The following ZNF628 variants were observed in gnomAD, a reference collection of about 807,000 sequenced individuals.
ZNF628 encodes the protein zinc finger protein Zec.
ZNF628 carries 3 observed loss-of-function variants against 2.5 expected under a neutral mutation model. That is an observed-to-expected ratio of 1.19 (90% CI 0.54 to 3.07). The LOEUF (loss-of-function observed/expected upper bound fraction) is 3.07. Ranked by LOEUF, ZNF628 falls within the 30% of genes most tolerant of loss-of-function variation. The pLI is 0.03. For synonymous variants in ZNF628, 861 were observed against 717.1 expected, an observed-to-expected ratio of 1.20 and a Z score of -3.21; for missense variants, 1,610 against 1,517.1, an observed-to-expected ratio of 1.06 and a Z score of -1.02.
At chr19:55,476,991 A>T (rs1359146974) in intron 1 of ZNF628, among the ~76,000 whole-genome samples, 184 bp downstream of exon 1, 1 of 152,078 alleles carries the variant, frequency 6.6e-6, no homozygotes, top group African/African-American at 2.4e-5. Flanking sequence ...CCACATTGAG[A>T]GGGCGGGTCA....
chr19:55,484,108 A>G lies in ZNF628; in HGVS notation c.2915A>G (p.Gln972Arg). 1 of 1,593,648 alleles carries G rather than the reference A, an allele frequency of 6.3e-7. No individual in the cohort carries two copies. The highest frequency in any genetic ancestry group is 8.5e-7 in the Non-Finnish European group (1 of 1,171,896). ...CCGCCTGCCACCGGCCCACCCGGAC[A>G]GAAACTCCTCATCATCCGCAGCGCC... ...TEPPATGPPG[Q>R]KLLIIRSAPA... The change falls in exon 3 of 3, where the codon CAG (glutamine) becomes CGG (arginine). Residue 972 changes from glutamine to arginine, a missense_variant. Coordinates refer to ENST00000598519, the MANE Select transcript of ZNF628 (RefSeq NM_033113.3).
rs779300535 is a variant in ZNF628, at chr19:55,482,178, C to T, written c.985C>T (p.Pro329Ser). 10 of 1,494,900 alleles carry T rather than the reference C, an allele frequency of 6.7e-6. No individual in the cohort carries two copies. In the South Asian group the frequency reaches 1.2e-4, roughly 18 times the overall value. The allele number at this position is 1,494,900 out of a possible 1,614,324, so 92.6% of individuals were successfully genotyped here. Reference sequence around the variant, plus strand: ...TGCGGCGCCCCAGCCCCAGGAGGCACCCGCCGAGGCGCCCAAGGCCGACCA... The same window carrying T: ...TGCGGCGCCCCAGCCCCAGGAGGCATCCGCCGAGGCGCCCAAGGCCGACCA... ...PDAAPQPQEA[P>S]AEAPKADQPP... The change falls in exon 3 of 3, where the codon CCC (proline) becomes TCC (serine). Residue 329 changes from proline (P) to serine (S), a missense_variant. Transcript: ENST00000598519.
Position 55,483,948 on chromosome 19 carries a change from G to A in ZNF628, c.2755G>A (p.Val919Ile). 1 of 1,570,292 alleles carries A rather than the reference G, an allele frequency of 6.4e-7. No individual in the cohort carries two copies. ...GGATGGCGAGGCCAGCACTGGTGTGGTCCAGGATGTCCTCTTTGAGACACT... is the reference window on the plus strand; with the variant it reads ...GGATGGCGAGGCCAGCACTGGTGTGATCCAGGATGTCCTCTTTGAGACACT... ...AGDGEASTGV[V>I]QDVLFETLQT... is the part of the protein sequence containing the mutation. Residue 919 changes from valine to isoleucine, a missense_variant, in exon 3 of 3, where the codon GTC becomes ATC. Around this residue, in one of 5 missense-constraint regions of ZNF628, gnomAD observed 712 missense variants for 603.6 expected, o/e 1.18. Coordinates refer to ENST00000598519, the MANE Select transcript of ZNF628 (RefSeq NM_033113.3).
Position 55,482,140 on chromosome 19 carries a change from GC to G in ZNF628, c.951del (p.Asp320MetfsTer107). On this transcript the variant is annotated frameshift_variant, in exon 3 of 3. Coordinates refer to ENST00000598519, the MANE Select transcript of ZNF628 (RefSeq NM_033113.3). LOFTEE classifies it low-confidence loss of function (END_TRUNC). ...GAGCTGCTCCTGGAGCACCAGCCGT[GC>G]CCCGGGCCCGATGCGGCGCCCCAGC... is the stretch of plus-strand genomic sequence containing the variant. ...SEELLLEHQP[C>X]PGPDAAPQPQ... 6.7e-7 allele frequency: 1 copy of G among 1,502,284 alleles called. No individual in the cohort carries two copies. Among genetic ancestry groups the G allele is most frequent in the Non-Finnish European group, 8.9e-7 (1 of 1,129,212 alleles). 93.1% of individuals were successfully genotyped at this position (1,502,284 alleles called of 1,614,324 possible).
rs753080157 is a variant in ZNF628 at position 55,482,507 on chromosome 19, C to T, written c.1314C>T (p.Pro438=). ...AGGAACCGCTGGCGCCTGCCGCCCC[C>T]GTCCCGCCGCCACCCCCGTCCGCCC... ...CPQEPLAPAA[P]VPPPPPSAPA... The change falls in exon 3 of 3, where the codon CCC becomes CCT. Residue 438 remains proline (P), a synonymous_variant. Transcript: ENST00000598519. 8.3e-6 allele frequency: 12 copies of T among 1,437,906 alleles called. No homozygotes were observed. In the Admixed American group the frequency reaches 1.4e-4, roughly 17 times the overall value. The allele number at this position is 1,437,906 out of a possible 1,614,324, so 89.1% of individuals were successfully genotyped here.
In ZNF628 at chr19:55,484,175, C is replaced by G; in HGVS notation, c.2982C>G (p.Gly994=). 1 of 1,558,078 alleles carries G rather than the reference C, an allele frequency of 6.4e-7. No individual in the cohort carries two copies. Residue 994 remains glycine (G), a synonymous_variant, in exon 3 of 3, where the codon GGC becomes GGG. Coordinates refer to ENST00000598519, the MANE Select transcript of ZNF628 (RefSeq NM_033113.3). ...TGGACAGCAGCAACACTGGAGGAGG[C>G]ACCGCCACGCTGCAGCTCCTGGCCC... ...ELLDSSNTGG[G]TATLQLLAPP...
At position 55,483,720 on chromosome 19, in the gene ZNF628, G is replaced by C. The variant is rs764848720; in HGVS notation, c.2527G>C (p.Val843Leu). 3 of 1,612,702 alleles carry C rather than the reference G, an allele frequency of 1.9e-6. No homozygotes were observed. The highest frequency in any genetic ancestry group is 1.7e-4 in the Middle Eastern group (1 of 6,040). ...CCAGCCAGCGCAGGAGGTGACCACA[G>C]TCCAGCTCCAGCCAGCACAGGAAGT... The part of the protein sequence containing the change: ...QLQPAQEVTT[V>L]QLQPAQEVTT... Residue 843 changes from valine to leucine, a missense_variant, in exon 3 of 3, where the codon GTC becomes CTC. Around this residue, in one of 5 missense-constraint regions of ZNF628, gnomAD observed 712 missense variants for 603.6 expected, o/e 1.18. Coordinates refer to ENST00000598519, the MANE Select transcript of ZNF628 (RefSeq NM_033113.3).
chr19:55,480,512 C>G (rs968912284), intron 2 of ZNF628, among the ~76,000 whole-genome samples: 9 of 152,174 alleles, frequency 5.9e-5, no homozygotes, highest in African/African-American at 2.2e-4. Context: ...CCTCCACCTC[C>G]TGTGTTCAAG....
In ZNF628 at chr19:55,481,900, C is replaced by A; in HGVS notation, c.707C>A (p.Ser236Tyr). The A allele has an allele frequency of 6.7e-7, 1 of 1,487,786 alleles. No homozygotes were observed. The highest frequency in any genetic ancestry group is 1.4e-5 in the African/African-American group (1 of 69,566). The allele number at this position is 1,487,786 out of a possible 1,614,324, so 92.2% of individuals were successfully genotyped here. ...GCCGCCCCCGCCCCGGGTACCGCCT[C>A]CGCGGCCCCGCCCCCCCAGTCCCGG... is the stretch of plus-strand genomic sequence containing the variant. ...HGAAPAPGTA[S>Y]AAPPPQSREP... The change falls in exon 3 of 3, where the codon TCC becomes TAC. Residue 236 changes from serine (S) to tyrosine (Y), a missense_variant. Ser to Tyr is a moderately radical substitution (Grantham distance 144). This residue lies in a region of ZNF628 where 651 missense variants were observed against 575.6 expected (regional missense o/e 1.13). Coordinates refer to ENST00000598519, the MANE Select transcript of ZNF628 (RefSeq NM_033113.3).
Position 55,481,514 on chromosome 19 carries a change from G to A in ZNF628, c.321G>A (p.Leu107=). Residue 107 remains leucine (L), a synonymous_variant, in exon 3 of 3, where the codon CTG becomes CTA. Coordinates refer to ENST00000598519, the MANE Select transcript of ZNF628 (RefSeq NM_033113.3). ...CPKAFKRSSL[L]QIHRSVHTGL... is the part of the protein sequence containing the mutation. ...AGGCCTTCAAGCGCTCCTCTCTGCT[G>A]CAGATCCACCGTAGCGTGCACACCG... 1 of 1,613,248 alleles carries A rather than the reference G, an allele frequency of 6.2e-7. No individual in the cohort carries two copies. The highest frequency in any genetic ancestry group is 1.7e-5 in the Admixed American group (1 of 59,992).
chr19:55,479,955 G>T lies in ZNF628; in HGVS notation c.7+38G>T. On this transcript the variant is annotated intron_variant, in intron 2 of 2. Coordinates refer to ENST00000598519, the MANE Select transcript of ZNF628 (RefSeq NM_033113.3). The surrounding 1 kb of genome is among the most constrained non-coding windows in gnomAD (Gnocchi z 5.1). ...GGAGTGCATGGGCCAGAGACATGTA[G>T]TGTGAGCCAGGGAGGGTGATGGTGA... is the stretch of plus-strand genomic sequence containing the variant. 1 of 399,306 alleles carries T rather than the reference G, an allele frequency of 2.5e-6. No homozygotes were observed. Among genetic ancestry groups the T allele is most frequent in the Non-Finnish European group, 4.4e-6 (1 of 226,202 alleles). The allele number at this position is 399,306 out of a possible 1,614,324, so 24.7% of individuals were successfully genotyped here.
In ZNF628 at chr19:55,481,925, G is replaced by C; in HGVS notation, c.732G>C (p.Arg244=). ...CCGCGGCCCCGCCCCCCCAGTCCCG[G>C]GAGCCCGGCAAGGTCTTCGTGTGCG... ...TASAAPPPQS[R]EPGKVFVCDA... The change falls in exon 3 of 3, where the codon CGG becomes CGC. Residue 244 remains arginine, a synonymous_variant. Transcript: ENST00000598519. 2 of 1,478,730 alleles carry C rather than the reference G, an allele frequency of 1.4e-6. No homozygotes were observed. The allele number at this position is 1,478,730 out of a possible 1,614,324, so 91.6% of individuals were successfully genotyped here.
At position 55,483,395 on chromosome 19, in the gene ZNF628, G is replaced by C. The variant is rs1409457384; in HGVS notation, c.2202G>C (p.Pro734=). 2.0e-5 allele frequency: 30 copies of C among 1,532,048 alleles called. No homozygotes were observed. The highest frequency in any genetic ancestry group is 2.5e-5 in the Non-Finnish European group (28 of 1,141,120). The allele number at this position is 1,532,048 out of a possible 1,614,324, so 94.9% of individuals were successfully genotyped here. ...IPSSVQPPTP[P]PPPAPPKLIL... The stretch of plus-strand genomic sequence containing the variant: ...GCAGCGTGCAGCCCCCTACACCTCC[G>C]CCCCCTCCCGCACCTCCCAAGCTCA... The change falls in exon 3 of 3, where the codon CCG becomes CCC. Residue 734 remains proline, a synonymous_variant. Coordinates refer to ENST00000598519, the MANE Select transcript of ZNF628 (RefSeq NM_033113.3).
In ZNF628 at chr19:55,479,544, T is replaced by C. The variant is rs1190510846; in HGVS notation, c.-77-290T>C. The stretch of plus-strand genomic sequence containing the variant: ...GTCCACGGGCACTGGGTCAGGCCTG[T>C]GGGGAAGGATTGCGCAGGGTTTCTG... On this transcript the variant is annotated intron_variant, in intron 1 of 2. Transcript: ENST00000598519. This position sits in a 1 kb window ranked among gnomAD's most constrained non-coding sequence, Gnocchi z 5.1. 1.3e-5 allele frequency among the ~76,000 whole-genome samples: 2 copies of C among 151,952 alleles called. No individual in the cohort carries two copies. The highest frequency in any genetic ancestry group is 2.9e-5 in the Non-Finnish European group (2 of 67,972).
In ZNF628 at chr19:55,484,427, G is replaced by A; in HGVS notation, c.*54G>A. ...GCACAGAGACCCCGACTCACTGCCA[G>A]CCGGGGCGGGGCAGGGTGCCGCAGG... On this transcript the variant is annotated 3_prime_UTR_variant, in exon 3 of 3. Coordinates refer to ENST00000598519, the MANE Select transcript of ZNF628 (RefSeq NM_033113.3). 7.2e-7 allele frequency: 1 copy of A among 1,392,534 alleles called. No homozygotes were observed. The highest frequency in any genetic ancestry group is 9.4e-7 in the Non-Finnish European group (1 of 1,061,006). 86.3% of individuals were successfully genotyped at this position (1,392,534 alleles called of 1,614,324 possible).
At position 55,483,159 on chromosome 19, in the gene ZNF628, C is replaced by T. The variant is rs1439737957; in HGVS notation, c.1966C>T (p.Pro656Ser). The T allele has an allele frequency of 6.4e-7, 1 of 1,558,972 alleles. No individual in the cohort carries two copies. Among genetic ancestry groups the T allele is most frequent in the Non-Finnish European group, 8.6e-7 (1 of 1,159,630 alleles). Reference protein sequence around the residue: ...PANTPPSTTAPAAGPQPPAPL... With the variant: ...PANTPPSTTASAAGPQPPAPL... ...CAACACGCCTCCCAGCACCACAGCC[C>T]CTGCCGCCGGCCCCCAGCCCCCTGC... The change falls in exon 3 of 3, where the codon CCT (proline) becomes TCT (serine). Residue 656 changes from proline to serine, a missense_variant. Pro to Ser is a moderately conservative substitution (Grantham distance 74). This residue lies in a region of ZNF628 where 712 missense variants were observed against 603.6 expected (regional missense o/e 1.18). Transcript: ENST00000598519.
chr19:55,480,442 T>C (rs1421926017), intron 2 of ZNF628, among the ~76,000 whole-genome samples: 4 of 151,864 alleles, frequency 2.6e-5, no homozygotes, highest in Non-Finnish European at 5.9e-5. Flanking sequence ...TTTTTTGAGA[T>C]GGAGTTTCAC....
chr19:55,477,805 G>A (rs143414519), intron 1 of ZNF628, among the ~76,000 whole-genome samples: 2 of 152,088 alleles, frequency 1.3e-5, no homozygotes, highest in East Asian at 3.9e-4. Context: ...TAGCTTGTCC[G>A]ACGGGGATGC....
At position 55,482,425 on chromosome 19, in the gene ZNF628, A is replaced by G; in HGVS notation, c.1232A>G (p.Glu411Gly). ...LLAHQQCHVE[E>G]AAAGRPPPQA... is the part of the protein sequence containing the mutation. ...GCGCATCAGCAGTGCCACGTGGAAG[A>G]GGCCGCGGCCGGGCGCCCGCCCCCG... The change falls in exon 3 of 3, where the codon GAG (glutamate) becomes GGG (glycine). Residue 411 changes from glutamate (E) to glycine (G), a missense_variant. Glu to Gly is a moderately conservative substitution (Grantham distance 98). Coordinates refer to ENST00000598519, the MANE Select transcript of ZNF628 (RefSeq NM_033113.3). The G allele has an allele frequency of 7.4e-7, 1 of 1,355,836 alleles. No individual in the cohort carries two copies. Among genetic ancestry groups the G allele is most frequent in the South Asian group, 1.7e-5 (1 of 60,244 alleles). 84.0% of individuals were successfully genotyped at this position (1,355,836 alleles called of 1,614,324 possible).
Sources: gnomAD v4.1 joint callset for allele counts (sites outside exome capture counted in the v4.1 genomes callset) on GRCh38, gnomAD v4.1.1 for gene constraint, gnomAD v4.1.1 regional missense constraint, Gnocchi (gnomAD v3.1) non-coding constraint, MANE v1.5 for transcripts, NCBI Gene and HGNC (gene_info 2026-07-23, HGNC 2026-07-21) for gene names.